The following TNS3 variants were observed in gnomAD, a reference collection of about 807,000 sequenced individuals.
The protein encoded by TNS3 is tensin-3.
A neutral mutation model predicts 140.9 loss-of-function variants in TNS3; 45 were observed. The observed-to-expected ratio is 0.32, with a 90% CI of 0.25 to 0.41. TNS3 has a LOEUF of 0.41. Among genes scored for constraint, TNS3 ranks in the 10% least tolerant of loss-of-function variants. TNS3 has a pLI of 1.00. For synonymous variants in TNS3, 815 were observed against 788.4 expected (o/e 1.03, Z -0.56); for missense variants, 1,716 against 1,906.7 (o/e 0.90, Z 1.86).
chr7:47,391,915 G>T (rs76300702), intron 16 of TNS3, among the ~76,000 whole-genome samples: 1 of 152,112 alleles, frequency 6.6e-6, no homozygotes, highest in South Asian at 2.1e-4. Flanking sequence ...GCCCTGTCCC[G>T]CACGGTCTCG....
At chr7:47,511,226 C>A (rs924533564) in intron 2 of TNS3, among the ~76,000 whole-genome samples, 2 of 152,050 alleles carry the variant, frequency 1.3e-5, no homozygotes, top group African/African-American at 2.4e-5. Flanking sequence ...CTACAATGGC[C>A]GGAAAAGCCT....
At chr7:47,291,153 T>C (rs1404568200) in intron 27 of TNS3, among the ~76,000 whole-genome samples, 1 of 152,102 alleles carries the variant, frequency 6.6e-6, no homozygotes, top group Non-Finnish European at 1.5e-5. Flanking sequence ...AATAAAAATA[T>C]GAGTGGTTGC....
chr7:47,495,241 G>GTTCTTCTCC (rs1412635750), intron 3 of TNS3, among the ~76,000 whole-genome samples: 4 of 150,152 alleles, frequency 2.7e-5, no homozygotes, highest in African/African-American at 9.8e-5. Flanking sequence ...GGAACGTGAA[G>GTTCTTCTCC]CCATGTCTCA....
At chr7:47,370,171 G>A (rs1329898604) in intron 16 of TNS3, among the ~76,000 whole-genome samples, 1 of 152,134 alleles carries the variant, frequency 6.6e-6, no homozygotes, top group Admixed American at 6.5e-5. Flanking sequence ...AGCTACTCGG[G>A]AGGCTGAGTC....
At chr7:47,498,061 C>T (rs1248102846) in intron 3 of TNS3, among the ~76,000 whole-genome samples, 2 of 152,184 alleles carry the variant, frequency 1.3e-5, no homozygotes, top group Non-Finnish European at 2.9e-5. Flanking sequence ...GGGAGTGAAC[C>T]TTAACCAACA....
intron 2 of TNS3, among the ~76,000 whole-genome samples, chr7:47,522,376 A>G (rs2151921766): frequency 6.6e-6 from 1 of 152,070 alleles, no homozygotes; most frequent in East Asian, 1.9e-4. Flanking sequence ...CCAGCCTCAC[A>G]GCCTCCACGT....
chr7:47,376,008 T>C (rs1791361785), intron 16 of TNS3, among the ~76,000 whole-genome samples: 1 of 152,246 alleles, frequency 6.6e-6, no homozygotes, highest in Non-Finnish European at 1.5e-5. Flanking sequence ...CTTTTTCATT[T>C]CAAAAGAACT....
chr7:47,390,039 G>A (rs1210557377), intron 16 of TNS3, among the ~76,000 whole-genome samples: 1 of 152,214 alleles, frequency 6.6e-6, no homozygotes, highest in Non-Finnish European at 1.5e-5. Flanking sequence ...ATGTCATAGG[G>A]TGGCTGAATA....
chr7:47,497,697 A>ACACACACACATACG, intron 3 of TNS3, among the ~76,000 whole-genome samples: 1 of 148,522 alleles, frequency 6.7e-6, no homozygotes, highest in East Asian at 2.0e-4. Flanking sequence ...ACACACACAC[A>ACACACACACATACG]GAGCAGGAAA....
At chr7:47,370,973 G>A (rs2462627) in intron 16 of TNS3, among the ~76,000 whole-genome samples, 110,965 of 152,096 alleles carry the variant, frequency 0.73, 41,253 homozygotes, top group Non-Finnish European at 0.82. Context: ...GAGTCCCAAG[G>A]GGTCCTGGGG....
At chr7:47,460,441 G>A (rs1318560121) in intron 4 of TNS3, among the ~76,000 whole-genome samples, 3 of 152,140 alleles carry the variant, frequency 2.0e-5, no homozygotes, top group Non-Finnish European at 2.9e-5. Context: ...CTTTGTCTTG[G>A]CAGCCTAAGC....
At chr7:47,581,551 C>T (rs116675231) in intron 1 of TNS3, 1 of 152,484 alleles carries the variant, frequency 6.6e-6, no homozygotes, top group African/African-American at 2.4e-5. Context: ...CCGCTCGGTC[C>T]CGACAGCGAC....
At chr7:47,449,100 T>C (rs773402924) in intron 4 of TNS3, among the ~76,000 whole-genome samples, 1 of 152,210 alleles carries the variant, frequency 6.6e-6, no homozygotes, top group Non-Finnish European at 1.5e-5. Flanking sequence ...TGCCGATACA[T>C]CCAGTTAAAC....
At chr7:47,388,062 T>A (rs1792174051) in intron 16 of TNS3, among the ~76,000 whole-genome samples, 1 of 152,148 alleles carries the variant, frequency 6.6e-6, no homozygotes, top group Non-Finnish European at 1.5e-5. Flanking sequence ...AAGACACAGA[T>A]GGAAACTCAG....
rs972999854 is a variant in TNS3 at position 47,275,412 on chromosome 7, T to C, written c.*2664A>G. On this transcript the variant is annotated 3_prime_UTR_variant, in exon 31 of 31. Transcript: ENST00000311160. ...TACAACAATACGTTCTTTTACTGAGTAGTTAGTAGGACCCTGGCTATAACA... is the reference window on the plus strand; with the variant it reads ...TACAACAATACGTTCTTTTACTGAGCAGTTAGTAGGACCCTGGCTATAACA... The C allele has an allele frequency of 1.3e-5, 2 of 158,186 alleles. No individual in the cohort carries two copies. Among genetic ancestry groups the C allele is most frequent in the Non-Finnish European group, 2.8e-5 (2 of 71,502 alleles). 9.8% of individuals were successfully genotyped at this position (158,186 alleles called of 1,614,324 possible).
chr7:47,482,995 C>T (rs75744801), intron 3 of TNS3, among the ~76,000 whole-genome samples: 9,103 of 152,040 alleles, frequency 0.06, 871 homozygotes, highest in African/African-American at 0.2. Context: ...TAAGGATGGA[C>T]GCACGTCATT....
At chr7:47,305,498 C>T (rs1415619185) in intron 20 of TNS3, among the ~76,000 whole-genome samples, 1 of 152,254 alleles carries the variant, frequency 6.6e-6, no homozygotes, top group Non-Finnish European at 1.5e-5. Flanking sequence ...TAGGTGTCCT[C>T]CACCTTCCTT....
At chr7:47,506,778 C>T in intron 3 of TNS3, 129 bp downstream of exon 3, 1 of 594,892 alleles carries the variant, frequency 1.7e-6, no homozygotes, top group Non-Finnish European at 2.6e-6. Context: ...TACACCGTAC[C>T]CCAGCCCTGG....
Position 47,366,742 on chromosome 7 carries a change from G to A in TNS3, c.2281+1623C>T, listed in dbSNP as rs546620154. ...TGCAGGTCCCATGTGAACCTGGGCA[G>A]GCCACATAATCTACTGACACCTCCA... On this transcript the variant is annotated intron_variant, in intron 17 of 30. Transcript: ENST00000311160. Among the ~76,000 whole-genome samples the A allele has an allele frequency of 3.9e-5, 6 of 152,004 alleles. No homozygotes were observed. The East Asian group carries it at 9.8e-4, about 25-fold the overall frequency.
Sources: gnomAD v4.1 joint callset for allele counts (sites outside exome capture counted in the v4.1 genomes callset) on GRCh38, gnomAD v4.1.1 for gene constraint, MANE v1.5 for transcripts, NCBI Gene and HGNC (gene_info 2026-07-23, HGNC 2026-07-21) for gene names.